Variants in CACNA2D3 observed in about 807,000 individuals in gnomAD.
CACNA2D3 encodes calcium voltage-gated channel auxiliary subunit alpha2delta 3.
A neutral mutation model predicts 160.6 loss-of-function variants in CACNA2D3; 60 were observed. That is an observed-to-expected ratio of 0.37 (90% confidence interval 0.30 to 0.46). The LOEUF is 0.46. Ranked by LOEUF, CACNA2D3 falls within the 20% of genes least tolerant of loss-of-function variation. The probability of loss-of-function intolerance (pLI) is 1.00; values close to 1 mark genes in which losing one functional copy is unlikely to be tolerated. For missense variants in CACNA2D3, 1,205 were observed against 1,365.0 expected (o/e 0.88, Z 1.85); for synonymous variants, 558 against 492.9 (o/e 1.13, Z -1.75).
intron 2 of CACNA2D3, among the ~76,000 whole-genome samples, chr3:54,318,403 T>C (rs1272461685): frequency 6.6e-6 from 1 of 152,168 alleles, no homozygotes; most frequent in Non-Finnish European, 1.5e-5. Flanking sequence ...AACATGAAAC[T>C]ACAACTCATG....
Position 54,713,595 on chromosome 3 carries a change from G to C in CACNA2D3, c.1168-39004G>C, listed in dbSNP as rs529925236. On this transcript the variant is annotated intron_variant, in intron 11 of 37. Coordinates refer to ENST00000474759, the MANE Select transcript of CACNA2D3 (RefSeq NM_018398.3). ...CAAGCCTTAGCTTCCCCATTTGTAA[G>C]ATGTGGATAAAAATAGTTTCTACCG... Among the ~76,000 whole-genome samples the C allele has an allele frequency of 8.5e-5, 13 of 152,274 alleles. No individual in the cohort carries two copies. The South Asian group carries it at 1.4e-3, about 17-fold the overall frequency.
chr3:55,017,145 C>A (rs1436422731), intron 34 of CACNA2D3, among the ~76,000 whole-genome samples: 1 of 152,122 alleles, frequency 6.6e-6, no homozygotes, highest in Non-Finnish European at 1.5e-5. Flanking sequence ...AAAACAATAG[C>A]TGAAGGCTTT....
Position 54,898,565 on chromosome 3 carries a change from C to T in CACNA2D3, c.2369-1223C>T, listed in dbSNP as rs1052355949. The stretch of plus-strand genomic sequence containing the variant: ...CTTTGTTGCTGAAAATATCAAGAGA[C>T]AGTGAACTTTTTCATTCTGCTGCAG... On this transcript the variant is annotated intron_variant, in intron 26 of 37. Transcript: ENST00000474759. 2.0e-5 allele frequency among the ~76,000 whole-genome samples: 3 copies of T among 152,198 alleles called. No individual in the cohort carries two copies. The East Asian group carries it at 5.8e-4, about 29-fold the overall frequency.
At chr3:54,521,419 A>G (rs1701644504) in intron 5 of CACNA2D3, among the ~76,000 whole-genome samples, 2 of 144,452 alleles carry the variant, frequency 1.4e-5, no homozygotes, top group Admixed American at 1.4e-4. Flanking sequence ...TGTTGTAAGA[A>G]TTTTTTATGT....
intron 13 of CACNA2D3, among the ~76,000 whole-genome samples, chr3:54,765,046 T>C (rs1003030169): frequency 3.9e-5 from 6 of 152,198 alleles, no homozygotes; most frequent in Admixed American, 1.3e-4. Flanking sequence ...TTTTCATTTA[T>C]TGATTGTAAG....
At chr3:54,857,769 A>G (rs1455584784) in intron 17 of CACNA2D3, among the ~76,000 whole-genome samples, 1 of 152,152 alleles carries the variant, frequency 6.6e-6, no homozygotes, top group Non-Finnish European at 1.5e-5. Flanking sequence ...CTTCAAATGC[A>G]GTTTTGAGTG....
chr3:54,352,121 G>A (rs545582820), intron 3 of CACNA2D3, among the ~76,000 whole-genome samples: 23 of 152,224 alleles, frequency 1.5e-4, no homozygotes, highest in Admixed American at 9.8e-4. Context: ...AATCCACTTG[G>A]ACTTGGCACA....
chr3:54,161,409 G>C (rs1700341971), intron 2 of CACNA2D3, among the ~76,000 whole-genome samples: 1 of 152,182 alleles, frequency 6.6e-6, no homozygotes, highest in African/African-American at 2.4e-5. Flanking sequence ...CAAAAACATA[G>C]GCCTGTGAAC....
intron 4 of CACNA2D3, among the ~76,000 whole-genome samples, chr3:54,422,417 C>T (rs947342026): frequency 6.6e-6 from 1 of 152,114 alleles, no homozygotes; most frequent in African/African-American, 2.4e-5. Flanking sequence ...TTTAAGGAAA[C>T]AGACAAAGGA....
intron 12 of CACNA2D3, among the ~76,000 whole-genome samples, chr3:54,762,381 C>T (rs529498920): frequency 6.6e-6 from 1 of 152,316 alleles, no homozygotes; most frequent in South Asian, 2.1e-4. Flanking sequence ...TGGTCCTCAT[C>T]CTTCAGGTTC....
chr3:54,442,782 C>T (rs898647376), intron 4 of CACNA2D3, among the ~76,000 whole-genome samples: 7 of 152,124 alleles, frequency 4.6e-5, no homozygotes, highest in African/African-American at 9.7e-5. Flanking sequence ...TGTGAACAGG[C>T]GAAGGGCCCT....
At chr3:54,260,890 CTT>C (rs1408814713) in intron 2 of CACNA2D3, among the ~76,000 whole-genome samples, 3 of 152,158 alleles carry the variant, frequency 2.0e-5, no homozygotes, top group African/African-American at 7.2e-5. Flanking sequence ...AATCTAAAGT[CTT>C]TTGCCCAGTA....
intron 2 of CACNA2D3, among the ~76,000 whole-genome samples, chr3:54,307,711 C>T (rs1036890439): frequency 6.6e-6 from 1 of 152,192 alleles, no homozygotes; most frequent in Non-Finnish European, 1.5e-5. Context: ...CTACAGAAAC[C>T]ACTTGAGCAG....
At chr3:54,666,003 C>T (rs929632782) in intron 11 of CACNA2D3, among the ~76,000 whole-genome samples, 2 of 151,932 alleles carry the variant, frequency 1.3e-5, no homozygotes, top group African/African-American at 4.8e-5. Flanking sequence ...CCATGTTGCC[C>T]AGGCTGAGAA....
Position 54,300,022 on chromosome 3 carries a change from T to C in CACNA2D3, c.205-20420T>C, listed in dbSNP as rs199897220. On this transcript the variant is annotated intron_variant, in intron 2 of 37. Transcript: ENST00000474759. ...TGCTCGGATGTATTTTTCCGCTTCT[T>C]TAGTAATTCAAAGGATTTTCTCTCC... Among the ~76,000 whole-genome samples the C allele has an allele frequency of 1.1e-4, 17 of 152,330 alleles. No individual in the cohort carries two copies. The East Asian group carries it at 3.3e-3, about 29-fold the overall frequency.
chr3:54,230,857 C>T (rs1701755718), intron 2 of CACNA2D3, among the ~76,000 whole-genome samples: 1 of 152,136 alleles, frequency 6.6e-6, no homozygotes, highest in African/African-American at 2.4e-5. Flanking sequence ...ATTTTCTTTG[C>T]TGCTTAATAG....
At chr3:54,616,035 G>A (rs1455020956) in intron 9 of CACNA2D3, among the ~76,000 whole-genome samples, 1 of 152,180 alleles carries the variant, frequency 6.6e-6, no homozygotes, top group Non-Finnish European at 1.5e-5. Context: ...ACCATCCCGG[G>A]CTACCTCCCC....
At chr3:54,350,983 T>G (rs1337105950) in intron 3 of CACNA2D3, among the ~76,000 whole-genome samples, 1 of 38,814 alleles carries the variant, frequency 2.6e-5, no homozygotes, top group Non-Finnish European at 5.1e-5. Flanking sequence ...TTTTTTTTTG[T>G]TTGTTTTTTT....
chr3:54,920,333 A>G (rs150377424), intron 27 of CACNA2D3, among the ~76,000 whole-genome samples: 362 of 152,306 alleles, frequency 2.4e-3, no homozygotes, highest in African/African-American at 8.3e-3. Flanking sequence ...AGGTGGCCCC[A>G]ACACACCAGG....
Sources: allele counts gnomAD v4.1 joint callset (sites outside exome capture counted in the v4.1 genomes callset), GRCh38; gene constraint gnomAD v4.1.1; transcripts MANE v1.5; gene names NCBI Gene and HGNC (gene_info 2026-07-23, HGNC 2026-07-21).